The following PCDHGA10 variants were observed in gnomAD, a reference collection of about 807,000 sequenced individuals.
PCDHGA10 encodes protocadherin gamma subfamily A, 10.
Under a neutral mutation model 59.5 loss-of-function variants are expected in PCDHGA10, and 42 were observed. The ratio of observed to expected loss-of-function variants is 0.71; its 90% CI spans 0.55 to 0.91. The LOEUF is 0.91. Ranked by LOEUF, PCDHGA10 falls within the 40% of genes least tolerant of loss-of-function variation. The probability of loss-of-function intolerance (pLI) is 0.00; values close to 1 mark genes in which losing one functional copy is unlikely to be tolerated. For missense variants in PCDHGA10, 1,111 were observed against 1,198.2 expected (o/e 0.93, Z 1.07); for synonymous variants, 511 against 517.2 (o/e 0.99, Z 0.16).
At chr5:141,502,499 C>A (rs552402476) in intron 2 of PCDHGA10, among the ~76,000 whole-genome samples, 12 of 152,122 alleles carry the variant, frequency 7.9e-5, no homozygotes, top group Non-Finnish European at 2.9e-5. Flanking sequence ...CATCTAACGT[C>A]GGCCTGTCCC....
At chr5:141,482,343 A>G (rs1016179369) in intron 1 of PCDHGA10, among the ~76,000 whole-genome samples, 3 of 152,126 alleles carry the variant, frequency 2.0e-5, no homozygotes, top group Non-Finnish European at 2.9e-5. Flanking sequence ...TACTTTGCAA[A>G]CTTGTTGTGA....
intron 1 of PCDHGA10, among the ~76,000 whole-genome samples, chr5:141,483,778 G>T (rs1012545478): frequency 1.6e-4 from 24 of 152,222 alleles, no homozygotes; most frequent in African/African-American, 5.8e-4. Context: ...ATTGGGGAAG[G>T]ATAAGAACTC....
chr5:141,428,238 G>A lies in PCDHGA10; in HGVS notation c.2436+12627G>A, dbSNP rs775703660. On this transcript the variant is annotated intron_variant, in intron 1 of 3. Transcript: ENST00000398610. ...TAGTCTTCGCAGACAGCCTGCAGGA[G>A]GCACTGCCAGACTTCAGTGACAGTC... 1.0e-5 allele frequency: 10 copies of A among 998,180 alleles called. No individual in the cohort carries two copies. The South Asian group carries it at 1.3e-4, about 13-fold the overall frequency. The allele number at this position is 998,180 out of a possible 1,614,324, so 61.8% of individuals were successfully genotyped here. A position where few individuals can be genotyped will look rare whatever the true frequency, so the allele number is the denominator to read the frequency against.
intron 1 of PCDHGA10, chr5:141,421,501 G>T: frequency 6.2e-7 from 1 of 1,614,094 alleles, no homozygotes; most frequent in Non-Finnish European, 8.5e-7. Context: ...AGGCAGGATA[G>T]ACCGGGAGGA....
At position 141,487,636 on chromosome 5, in the gene PCDHGA10, A is replaced by G. The variant is rs780468230; in HGVS notation, c.2437-7171A>G. 3 of 1,614,192 alleles carry G rather than the reference A, an allele frequency of 1.9e-6. No homozygotes were observed. Among genetic ancestry groups the G allele is most frequent in the Non-Finnish European group, 1.7e-6 (2 of 1,180,030 alleles). Reference sequence around the variant, plus strand: ...TAGAGGTGAGACCTTTGCAGGCTCAACAAATGCTTGAGGGTTATTCTGATC... The same window carrying G: ...TAGAGGTGAGACCTTTGCAGGCTCAGCAAATGCTTGAGGGTTATTCTGATC... On this transcript the variant is annotated intron_variant, in intron 1 of 3. Transcript: ENST00000398610. This position sits in a 1 kb window ranked among gnomAD's most constrained non-coding sequence, Gnocchi z 5.0.
rs550977374 is a variant in PCDHGA10, at chr5:141,447,118, G to A, written c.2436+31507G>A. 9.2e-5 allele frequency among the ~76,000 whole-genome samples: 14 copies of A among 151,984 alleles called. No individual in the cohort carries two copies. The East Asian group carries it at 2.7e-3, about 29-fold the overall frequency. ...TTCACATGATTATATGTGCTCCATGGATTTTTTTGTTTGTTTGTTTTTTGT... is the reference window on the plus strand; with the variant it reads ...TTCACATGATTATATGTGCTCCATGAATTTTTTTGTTTGTTTGTTTTTTGT... On this transcript the variant is annotated intron_variant, in intron 1 of 3. Transcript: ENST00000398610.
chr5:141,455,143 T>C (rs984886337), intron 1 of PCDHGA10, among the ~76,000 whole-genome samples: 1 of 149,894 alleles, frequency 6.7e-6, no homozygotes, highest in Non-Finnish European at 1.5e-5. Flanking sequence ...CTGTGTTAAA[T>C]AAATATTAGT....
At chr5:141,509,777 G>A (rs1244876699) in intron 3 of PCDHGA10, among the ~76,000 whole-genome samples, 1 of 152,100 alleles carries the variant, frequency 6.6e-6, no homozygotes, top group Non-Finnish European at 1.5e-5. Flanking sequence ...TCTAGTCCCC[G>A]AGATCATCAT....
At chr5:141,422,415 A>C (rs1330043187) in intron 1 of PCDHGA10, 1 of 1,604,786 alleles carries the variant, frequency 6.2e-7, no homozygotes, top group Admixed American at 1.7e-5. Flanking sequence ...TTAAATTAGA[A>C]AAGACTTATG....
rs775331499 is a variant in PCDHGA10 at position 141,422,779 on chromosome 5, C to T, written c.2436+7168C>T. The T allele has an allele frequency of 8.7e-6, 14 of 1,614,070 alleles. No homozygotes were observed. In the East Asian group the frequency reaches 2.9e-4, roughly 33 times the overall value. ...CTCCAACACTGGTGTTCTCTATGCC[C>T]TACAATCCTTCGACTATGAGCAGTT... On this transcript the variant is annotated intron_variant, in intron 1 of 3. Transcript: ENST00000398610.
At chr5:141,418,530 G>C in intron 1 of PCDHGA10, 1 of 1,613,952 alleles carries the variant, frequency 6.2e-7, no homozygotes, top group Non-Finnish European at 8.5e-7. Flanking sequence ...CCCCGAAGCG[G>C]TACTGCTCAG....
intron 1 of PCDHGA10, among the ~76,000 whole-genome samples, chr5:141,483,997 T>G (rs2099590025): frequency 8.6e-5 from 6 of 69,516 alleles, no homozygotes; most frequent in East Asian, 4.4e-4. Context: ...TGCTGGGAGG[T>G]CTGGATGAGG....
chr5:141,433,642 C>A (rs1457700205), intron 1 of PCDHGA10, among the ~76,000 whole-genome samples: 2 of 152,170 alleles, frequency 1.3e-5, no homozygotes, highest in South Asian at 2.1e-4. Context: ...TTGAGACCAG[C>A]CTGACCAACA....
chr5:141,446,468 A>G (rs2098503159), intron 1 of PCDHGA10, among the ~76,000 whole-genome samples: 1 of 149,982 alleles, frequency 6.7e-6, no homozygotes, highest in African/African-American at 2.5e-5. Flanking sequence ...GTGATTAGAC[A>G]TATGGTCATC....
At chr5:141,441,718 C>A in intron 1 of PCDHGA10, 1 of 344,940 alleles carries the variant, frequency 2.9e-6, no homozygotes, top group Non-Finnish European at 5.7e-6. Flanking sequence ...ACGCTGCAGG[C>A]CCGCGACCAG....
chr5:141,501,017 C>T (rs1383853662), intron 2 of PCDHGA10, among the ~76,000 whole-genome samples: 5 of 151,866 alleles, frequency 3.3e-5, no homozygotes, highest in African/African-American at 7.3e-5. Flanking sequence ...TACAGGCACG[C>T]GCCACCACGC....
In PCDHGA10 at chr5:141,512,009, CAAGTT is replaced by C. The variant is rs1409890580; in HGVS notation, c.*838_*842del. On this transcript the variant is annotated 3_prime_UTR_variant, in exon 4 of 4. Transcript: ENST00000398610. ...GGGGCATGGACAAAGCTTGACACATCAAGTTATCAAGGCCTTGGAGGAGGCTCTGT... is the reference window on the plus strand; with the variant it reads ...GGGGCATGGACAAAGCTTGACACATCATCAAGGCCTTGGAGGAGGCTCTGT... 1 of 153,074 alleles carries C rather than the reference CAAGTT, an allele frequency of 6.5e-6. No individual in the cohort carries two copies. The highest frequency in any genetic ancestry group is 1.9e-4 in the East Asian group (1 of 5,182). 9.5% of individuals were successfully genotyped at this position (153,074 alleles called of 1,614,324 possible).
chr5:141,433,017 A>G, intron 1 of PCDHGA10: 2 of 1,614,124 alleles, frequency 1.2e-6, no homozygotes, highest in Non-Finnish European at 8.5e-7. Context: ...CTGCAGACCT[A>G]TTCCCACGAG....
rs1303775655 is a variant in PCDHGA10 at position 141,414,725 on chromosome 5, T to C, written c.1550T>C (p.Val517Ala). 8 of 1,613,970 alleles carry C rather than the reference T, an allele frequency of 5.0e-6. No individual in the cohort carries two copies. The highest frequency in any genetic ancestry group is 1.3e-5 in the African/African-American group (1 of 74,902). The part of the protein sequence containing the change: ...SYISINSDTG[V>A]LYALRSFDYE... ...ATATCCATCAACTCAGACACTGGCG[T>C]CCTGTATGCACTCAGATCCTTCGAC... Residue 517 changes from valine to alanine, a missense_variant, in exon 1 of 4, where the codon GTC (valine) becomes GCC (alanine). Val to Ala is a moderately conservative substitution (Grantham distance 64). Coordinates refer to ENST00000398610, the MANE Select transcript of PCDHGA10 (RefSeq NM_018913.3).
Sources: gnomAD v4.1 joint callset for allele counts (sites outside exome capture counted in the v4.1 genomes callset) on GRCh38, gnomAD v4.1.1 for gene constraint, Gnocchi (gnomAD v3.1) non-coding constraint, MANE v1.5 for transcripts, NCBI Gene and HGNC (gene_info 2026-07-23, HGNC 2026-07-21) for gene names.